Variants in CACNA1C observed in about 807,000 individuals in gnomAD.
The protein encoded by CACNA1C is voltage-dependent L-type calcium channel subunit alpha-1C.
CACNA1C carries 30 observed loss-of-function variants against 229.0 expected under a neutral mutation model. The observed-to-expected ratio is 0.13, with a 90% CI of 0.10 to 0.18. The LOEUF is 0.18. Ranked by LOEUF, CACNA1C falls within the 10% of genes least tolerant of loss-of-function variation. The probability of loss-of-function intolerance (pLI) is 1.00; values close to 1 mark genes in which losing one functional copy is unlikely to be tolerated. For synonymous variants in CACNA1C, 1,114 were observed against 1,132.5 expected (o/e 0.98, Z 0.33); for missense variants, 1,658 against 2,845.0 (o/e 0.58, Z 9.49).
At chr12:2,240,241 A>G (rs757105072) in intron 3 of CACNA1C, among the ~76,000 whole-genome samples, 4 of 152,212 alleles carry the variant, frequency 2.6e-5, no homozygotes, top group Non-Finnish European at 5.9e-5. Flanking sequence ...GCTGACATGC[A>G]GTTTCCCCTC....
At position 2,587,733 on chromosome 12, in the gene CACNA1C, C is replaced by T. The variant is rs144142281; in HGVS notation, c.2530+1829C>T. Among the ~76,000 whole-genome samples the T allele has an allele frequency of 2.0e-3, 303 of 152,304 alleles. 1 individual carries two copies. Among genetic ancestry groups the T allele is most frequent in the African/African-American group, 6.9e-3 (286 of 41,566 alleles). ...TTCCAGCTGAAAAGCTCTTCCCACC[C>T]TCTGCTGAGGCCTCAGGATTCTTGA... On this transcript the variant is annotated intron_variant, in intron 18 of 46. Transcript: ENST00000399655.
At chr12:2,455,671 TCCA>T (rs971324584) in intron 4 of CACNA1C, among the ~76,000 whole-genome samples, 20 of 152,216 alleles carry the variant, frequency 1.3e-4, no homozygotes, top group Admixed American at 1.0e-3. Context: ...TCCACATCAC[TCCA>T]CCAACACAGA....
chr12:2,262,403 A>T (rs964465637), intron 3 of CACNA1C, among the ~76,000 whole-genome samples: 2 of 152,206 alleles, frequency 1.3e-5, no homozygotes, highest in African/African-American at 4.8e-5. Flanking sequence ...TTTCTTGTTC[A>T]TCTCCCACCA....
At chr12:2,326,221 A>G (rs966218448) in intron 3 of CACNA1C, among the ~76,000 whole-genome samples, 9 of 152,174 alleles carry the variant, frequency 5.9e-5, no homozygotes, top group African/African-American at 2.2e-4. Context: ...GCAGATAGTT[A>G]GGAGGATAAA....
intron 4 of CACNA1C, among the ~76,000 whole-genome samples, chr12:2,454,076 C>T (rs1430814363): frequency 6.6e-6 from 1 of 152,202 alleles, no homozygotes; most frequent in Non-Finnish European, 1.5e-5. Flanking sequence ...CTCCCTGGAG[C>T]CCTCCAGTTT....
chr12:2,571,456 T>G (rs1393236177), intron 13 of CACNA1C, among the ~76,000 whole-genome samples: 2 of 152,240 alleles, frequency 1.3e-5, no homozygotes, highest in African/African-American at 2.4e-5. Flanking sequence ...GTCCCTGTTT[T>G]GGGCTTTTAT....
At chr12:2,273,385 A>T (rs2086034236) in intron 3 of CACNA1C, among the ~76,000 whole-genome samples, 1 of 151,500 alleles carries the variant, frequency 6.6e-6, no homozygotes, top group South Asian at 2.1e-4. Context: ...CAAAGGGCCA[A>T]CTGTATCAAC....
intron 1 of CACNA1C, among the ~76,000 whole-genome samples, chr12:2,021,065 G>T (rs1014684815): frequency 6.6e-6 from 1 of 152,120 alleles, no homozygotes; most frequent in African/African-American, 2.4e-5. Flanking sequence ...ATTATTTCTG[G>T]ATACTGCGTT....
chr12:2,535,974 T>G (rs1191934746), intron 9 of CACNA1C, among the ~76,000 whole-genome samples: 1 of 152,242 alleles, frequency 6.6e-6, no homozygotes, highest in Non-Finnish European at 1.5e-5. Flanking sequence ...ATGACTCACT[T>G]CACATAAATG....
intron 1 of CACNA1C, among the ~76,000 whole-genome samples, chr12:2,061,140 T>TTC (rs2057337595): frequency 6.6e-6 from 1 of 151,652 alleles, no homozygotes; most frequent in African/African-American, 2.4e-5. Context: ...CTTTTTTTTT[T>TTC]TTTGTCTGTA....
At chr12:2,032,593 A>C (rs1318910290) in intron 1 of CACNA1C, among the ~76,000 whole-genome samples, 1 of 152,094 alleles carries the variant, frequency 6.6e-6, no homozygotes, top group Non-Finnish European at 1.5e-5. Flanking sequence ...AATCCATTAC[A>C]CTTGTTTGAT....
intron 3 of CACNA1C, among the ~76,000 whole-genome samples, chr12:2,418,769 G>A (rs1238900853): frequency 6.6e-6 from 1 of 152,142 alleles, no homozygotes; most frequent in Non-Finnish European, 1.5e-5. Context: ...CTCTAGGGAG[G>A]TGGGGTCCTA....
chr12:2,015,492 G>A (rs1056166663), intron 1 of CACNA1C, among the ~76,000 whole-genome samples: 1 of 152,202 alleles, frequency 6.6e-6, no homozygotes, highest in African/African-American at 2.4e-5. Context: ...GCCAAGATAG[G>A]TGGCTTCAGC....
chr12:2,329,165 A>C (rs566340144), intron 3 of CACNA1C, among the ~76,000 whole-genome samples: 1 of 152,362 alleles, frequency 6.6e-6, no homozygotes, highest in African/African-American at 2.4e-5. Flanking sequence ...CAAACACCGC[A>C]GATCGATGCT....
rs552635531 is a variant in CACNA1C, at chr12:2,438,063, A to G, written c.478-10913A>G. On this transcript the variant is annotated intron_variant, in intron 3 of 46. Coordinates refer to ENST00000399655, the MANE Select transcript of CACNA1C (RefSeq NM_000719.7). ...GGTGGTGGTGGTAATGATGGTGGTG[A>G]TGATGGTAGTGATGGTGGTAATGGT... 1.1e-3 allele frequency among the ~76,000 whole-genome samples: 152 copies of G among 137,882 alleles called. 2 individuals are homozygous for G. The South Asian group carries it at 0.035, about 31-fold the overall frequency. The allele number at this position is 137,882 out of a possible 152,430, so 90.5% of individuals were successfully genotyped here.
chr12:2,116,120 ACAAACTACAGACCACT>A (rs1457445735), intron 2 of CACNA1C, among the ~76,000 whole-genome samples: 1 of 152,324 alleles, frequency 6.6e-6, no homozygotes, highest in East Asian at 1.9e-4. Context: ...GAAAGTTATA[ACAAACTACAGACCACT>A]CAGTTCCACC....
chr12:2,669,486 T>C lies in CACNA1C; in HGVS notation c.4726+451T>C, dbSNP rs548718265. ...GCTTATTCATTTTGAACTCTAGCTT[T>C]CCATGAAACTCTGGGACTCATTCTG... On this transcript the variant is annotated intron_variant, in intron 38 of 46. Transcript: ENST00000399655. Among the ~76,000 whole-genome samples the C allele has an allele frequency of 6.6e-5, 10 of 152,344 alleles. 1 individual carries two copies. In the South Asian group the frequency reaches 2.1e-3, roughly 32 times the overall value.
At chr12:2,395,626 G>A (rs1300819945) in intron 3 of CACNA1C, among the ~76,000 whole-genome samples, 2 of 152,182 alleles carry the variant, frequency 1.3e-5, no homozygotes, top group Non-Finnish European at 2.9e-5. Context: ...CTCTGGAAGA[G>A]CCAAGTGGCT....
At chr12:2,115,987 TC>T (rs1296114757) in intron 2 of CACNA1C, among the ~76,000 whole-genome samples, 1 of 152,174 alleles carries the variant, frequency 6.6e-6, no homozygotes, top group African/African-American at 2.4e-5. Flanking sequence ...TTCACGGCCT[TC>T]CCTCTCTCTA....
Sources: gnomAD v4.1 joint callset for allele counts (sites outside exome capture counted in the v4.1 genomes callset) on GRCh38, gnomAD v4.1.1 for gene constraint, MANE v1.5 for transcripts, NCBI Gene and HGNC (gene_info 2026-07-23, HGNC 2026-07-21) for gene names.